Variants in RAMP3 observed in about 807,000 individuals in gnomAD.
The protein encoded by RAMP3 is receptor activity-modifying protein 3.
A neutral mutation model predicts 13.5 loss-of-function variants in RAMP3; 14 were observed. That is an observed-to-expected ratio of 1.04 (90% CI 0.69 to 1.63). The LOEUF (loss-of-function observed/expected upper bound fraction) is 1.63, where lower values mean the gene tolerates loss of function less well. RAMP3 is among the 40% of genes most tolerant of loss of function. The pLI is 0.00. For missense variants in RAMP3, 200 were observed against 204.8 expected (o/e 0.98, Z 0.14); for synonymous variants, 106 against 88.3 (o/e 1.20, Z -1.12).
intron 1 of RAMP3, among the ~76,000 whole-genome samples, chr7:45,170,462 C>G (rs6951362): frequency 1.3e-5 from 2 of 151,508 alleles, no homozygotes; most frequent in East Asian, 3.9e-4. Flanking sequence ...CTCAGCCTCT[C>G]GAGTAGCTAG....
At chr7:45,158,288 TG>T (rs1785798687) in intron 1 of RAMP3, among the ~76,000 whole-genome samples, 1 of 152,188 alleles carries the variant, frequency 6.6e-6, no homozygotes, top group Non-Finnish European at 1.5e-5. Flanking sequence ...CTCTCTGTCC[TG>T]GCATTGAGTG....
chr7:45,163,179 C>A (rs573715512), intron 1 of RAMP3: 3 of 985,404 alleles, frequency 3.0e-6, no homozygotes, highest in African/African-American at 3.5e-5. Context: ...CTGGGTGAGC[C>A]TATTGTGCAG....
At position 45,177,424 on chromosome 7, in the gene RAMP3, C is replaced by A. The variant is rs770801410; in HGVS notation, c.174C>A (p.Asn58Lys). Residue 58 changes from asparagine (N) to lysine (K), a missense_variant, in exon 2 of 3, where the codon AAC becomes AAA. Physicochemically the swap from Asn to Lys is moderately conservative, Grantham distance 94. Transcript: ENST00000242249. Reference sequence around the variant, plus strand: ...AGGTGGACGTCTGGAAGTGGTGCAACCTGTCCGAGTTCATCGTGTGAGTGC... The same window carrying A: ...AGGTGGACGTCTGGAAGTGGTGCAAACTGTCCGAGTTCATCGTGTGAGTGC... The part of the protein sequence containing the change: ...MGKVDVWKWC[N>K]LSEFIVYYES... The A allele has an allele frequency of 1.1e-5, 17 of 1,614,098 alleles. No individual in the cohort carries two copies. The East Asian group carries it at 3.8e-4, about 36-fold the overall frequency.
In RAMP3 at chr7:45,168,544, T is replaced by C. The variant is rs568913593; in HGVS notation, c.59-8765T>C. On this transcript the variant is annotated intron_variant, in intron 1 of 2. Transcript: ENST00000242249. Reference sequence around the variant, plus strand: ...GTATTGGAATTGGAATTGTTTTCTTTGTTTCCTTTTTGGATTATTCATTGC... The same window carrying C: ...GTATTGGAATTGGAATTGTTTTCTTCGTTTCCTTTTTGGATTATTCATTGC... Among the ~76,000 whole-genome samples the C allele has an allele frequency of 2.6e-5, 4 of 152,342 alleles. No individual in the cohort carries two copies. The East Asian group carries it at 5.8e-4, about 22-fold the overall frequency.
intron 1 of RAMP3, among the ~76,000 whole-genome samples, chr7:45,174,856 C>T (rs1409485808): frequency 6.6e-6 from 1 of 152,204 alleles, no homozygotes; most frequent in Non-Finnish European, 1.5e-5. Flanking sequence ...GACCCTCTCC[C>T]TCTCCCCTTG....
intron 1 of RAMP3, among the ~76,000 whole-genome samples, chr7:45,174,829 C>T (rs1228704864): frequency 1.3e-5 from 2 of 152,180 alleles, no homozygotes; most frequent in Admixed American, 6.5e-5. Flanking sequence ...GATGGCAGGT[C>T]CTGAAGACAG....
chr7:45,174,041 A>C (rs1454188806), intron 1 of RAMP3, among the ~76,000 whole-genome samples: 1 of 151,686 alleles, frequency 6.6e-6, no homozygotes, highest in Non-Finnish European at 1.5e-5. Context: ...GGGAGTGGGC[A>C]CTCCCAGCTG....
chr7:45,183,565 C>G lies in RAMP3; in HGVS notation c.*153C>G. The G allele has an allele frequency of 1.8e-6, 2 of 1,115,264 alleles. No individual in the cohort carries two copies. Among genetic ancestry groups the G allele is most frequent in the Non-Finnish European group, 2.6e-6 (2 of 781,548 alleles). 69.1% of individuals were successfully genotyped at this position (1,115,264 alleles called of 1,614,324 possible). The stretch of plus-strand genomic sequence containing the variant: ...CCCTCCCTTCCTGGGCTGACCTGCT[C>G]CCTCGAGGCCAGCCTGCTCCCTGGC... On this transcript the variant is annotated 3_prime_UTR_variant, in exon 3 of 3. Transcript: ENST00000242249.
chr7:45,166,535 A>G (rs150869900), intron 1 of RAMP3, among the ~76,000 whole-genome samples: 54 of 152,174 alleles, frequency 3.5e-4, no homozygotes, highest in Non-Finnish European at 6.2e-4. Context: ...AGTTGTAAGA[A>G]TTCTTTATGT....
At chr7:45,166,276 C>T (rs1352452267) in intron 1 of RAMP3, among the ~76,000 whole-genome samples, 2 of 151,770 alleles carry the variant, frequency 1.3e-5, no homozygotes, top group Non-Finnish European at 2.9e-5. Flanking sequence ...CTCAAGCCAT[C>T]CTCCCACTTC....
At chr7:45,181,683 T>A (rs1177402877) in intron 2 of RAMP3, among the ~76,000 whole-genome samples, 2 of 152,226 alleles carry the variant, frequency 1.3e-5, no homozygotes, top group South Asian at 4.2e-4. Context: ...AGCAGGCTAC[T>A]GAATCTGAGG....
At chr7:45,159,008 T>G (rs1785815370) in intron 1 of RAMP3, among the ~76,000 whole-genome samples, 1 of 151,934 alleles carries the variant, frequency 6.6e-6, no homozygotes, top group Admixed American at 6.6e-5. Flanking sequence ...GTCGCTATAG[T>G]GGAAGGAAGG....
intron 1 of RAMP3, chr7:45,163,254 C>G: frequency 1.0e-6 from 1 of 985,402 alleles, no homozygotes; most frequent in Non-Finnish European, 1.2e-6. Flanking sequence ...CCCAGAGGAA[C>G]TAGGGATAGA....
chr7:45,171,670 G>C (rs1786085702), intron 1 of RAMP3, among the ~76,000 whole-genome samples: 1 of 152,072 alleles, frequency 6.6e-6, no homozygotes, highest in Non-Finnish European at 1.5e-5. Context: ...GCAGTGGCAT[G>C]ATCATGGCTC....
intron 1 of RAMP3, among the ~76,000 whole-genome samples, chr7:45,176,008 G>A (rs1430910005): frequency 6.6e-6 from 1 of 152,202 alleles, no homozygotes; most frequent in Non-Finnish European, 1.5e-5. Context: ...ACACATGGAA[G>A]AAGATCAGAC....
chr7:45,159,796 G>A (rs536532645), intron 1 of RAMP3, among the ~76,000 whole-genome samples: 1 of 152,318 alleles, frequency 6.6e-6, no homozygotes, highest in South Asian at 2.1e-4. Context: ...GCTTAAACAA[G>A]GGGAGGTATG....
intron 1 of RAMP3, among the ~76,000 whole-genome samples, chr7:45,164,867 T>C (rs549575722): frequency 6.6e-6 from 1 of 152,368 alleles, no homozygotes; most frequent in Non-Finnish European, 1.5e-5. Context: ...TGGATTCTTG[T>C]TGGCAGCCTA....
rs35024892 is a variant in RAMP3, at chr7:45,164,375, C to CA, written c.58+6499dup. Among the ~76,000 whole-genome samples the CA allele has an allele frequency of 2.9e-3, 434 of 150,258 alleles. 2 individuals are homozygous for CA. The highest frequency in any genetic ancestry group is 9.5e-3 in the African/African-American group (392 of 41,082). ...TATGAGATCTTGTCTCTACAAATAA[C>CA]AAAAAAAAAATTAGCTGAGTGTGGT... On this transcript the variant is annotated intron_variant, in intron 1 of 2. Coordinates refer to ENST00000242249, the MANE Select transcript of RAMP3 (RefSeq NM_005856.3).
Position 45,157,794 on chromosome 7 carries a change from G to T in RAMP3, c.-35G>T. 1 of 1,142,158 alleles carries T rather than the reference G, an allele frequency of 8.8e-7. No homozygotes were observed. Among genetic ancestry groups the T allele is most frequent in the Non-Finnish European group, 1.1e-6 (1 of 901,080 alleles). 70.8% of individuals were successfully genotyped at this position (1,142,158 alleles called of 1,614,324 possible). ...GGCGTCCCCCAGCCGCGCCCCCAGC[G>T]GGACCGAGCGTGACCCAGCTGCGGC... On this transcript the variant is annotated 5_prime_UTR_variant, in exon 1 of 3. Transcript: ENST00000242249.
Sources: gnomAD v4.1 joint callset for allele counts (sites outside exome capture counted in the v4.1 genomes callset) on GRCh38, gnomAD v4.1.1 for gene constraint, MANE v1.5 for transcripts, NCBI Gene and HGNC (gene_info 2026-07-23, HGNC 2026-07-21) for gene names.